Variants in WDR3 observed in about 807,000 individuals in gnomAD.
The protein encoded by WDR3 is WD repeat-containing protein 3.
In WDR3, 81 loss-of-function variants were observed where a neutral mutation model predicts 123.7. The ratio of observed to expected loss-of-function variants is 0.65; its 90% CI spans 0.55 to 0.79. WDR3 has a LOEUF of 0.79. Ranked by LOEUF, WDR3 falls within the 30% of genes least tolerant of loss-of-function variation. The pLI, the probability that WDR3 is intolerant of heterozygous loss-of-function variation, is 0.00. For missense variants in WDR3, 1,027 were observed against 1,123.2 expected (o/e 0.91, Z 1.22); for synonymous variants, 390 against 388.8 (o/e 1.00, Z -0.04).
chr1:117,941,013 A>G lies in WDR3; in HGVS notation c.789+73A>G, dbSNP rs1457570173. ...AGTAAGAATTGCAGATTTTTAGGGA[A>G]TCATCACTTTAGGGAATATTTTTGT... On this transcript the variant is annotated intron_variant, in intron 7 of 26. Transcript: ENST00000349139. The G allele has an allele frequency of 3.2e-6, 5 of 1,570,738 alleles. No homozygotes were observed. In the African/African-American group the frequency reaches 5.5e-5, roughly 17 times the overall value.
intron 18 of WDR3, 38 bp from the exon 19 acceptor site, chr1:117,952,490 A>G (rs2101223023): frequency 6.3e-7 from 1 of 1,599,234 alleles, no homozygotes; most frequent in Non-Finnish European, 8.5e-7. Flanking sequence ...GTAGTGGTCA[A>G]TGAATGAGGT....
At chr1:117,939,914 A>T (rs1651079939) in intron 6 of WDR3, among the ~76,000 whole-genome samples, 1 of 152,180 alleles carries the variant, frequency 6.6e-6, no homozygotes, top group Admixed American at 6.5e-5. Flanking sequence ...TATGTTTATA[A>T]ATATGTATAT....
intron 3 of WDR3, 84 bp from the exon 4 acceptor site, chr1:117,936,685 A>G: frequency 9.1e-7 from 1 of 1,100,718 alleles, no homozygotes; most frequent in Non-Finnish European, 1.3e-6. Flanking sequence ...TTGCCTTTTT[A>G]ATAATTAAGT....
rs963121334 is a variant in WDR3 at position 117,946,649 on chromosome 1, T to C, written c.1422+470T>C. Among the ~76,000 whole-genome samples the C allele has an allele frequency of 4.6e-5, 7 of 151,864 alleles. No homozygotes were observed. In the East Asian group the frequency reaches 1.4e-3, roughly 29 times the overall value. On this transcript the variant is annotated intron_variant, in intron 12 of 26. Coordinates refer to ENST00000349139, the MANE Select transcript of WDR3 (RefSeq NM_006784.3). The stretch of plus-strand genomic sequence containing the variant: ...GGATTTAGTTTCTGCCCTTTAGAAA[T>C]AGGTAATTTGGGCCGGGCGCAGTGG...
At chr1:117,943,753 C>A (rs1360592492) in intron 11 of WDR3, 127 bp downstream of exon 11, 9 of 811,166 alleles carry the variant, frequency 1.1e-5, no homozygotes, top group East Asian at 2.8e-5. Context: ...GCATTTGGGC[C>A]ATTAGCCTGT....
In WDR3 at chr1:117,942,453, G is replaced by T. The variant is rs1343691571; in HGVS notation, c.1006G>T (p.Gly336Ter). Residue 336 changes from glycine (G) to a stop codon, truncating the protein, a stop_gained, in exon 10 of 27, where the codon GGA becomes TGA. Coordinates refer to ENST00000349139, the MANE Select transcript of WDR3 (RefSeq NM_006784.3). LOFTEE classifies it high-confidence loss of function. ...RKKAKLHSSK[G>*]EEEDPEVNVE... ...TCCCTCTAGATTACATTCTAGCAAA[G>T]GAGAGGAGGAAGATCCTGAGGTTAA... 6.2e-7 allele frequency: 1 copy of T among 1,613,696 alleles called. No homozygotes were observed. The highest frequency in any genetic ancestry group is 2.2e-5 in the East Asian group (1 of 44,860).
In WDR3 at chr1:117,959,452, G is replaced by T. The variant is rs766014753; in HGVS notation, c.*5G>T. 6.3e-6 allele frequency: 10 copies of T among 1,587,220 alleles called. No homozygotes were observed. In the South Asian group the frequency reaches 1.1e-4, roughly 17 times the overall value. ...TTGATTCTAACGTTGACTTAGAACT[G>T]AAATGTGGTATCTTTTTTTTTTTCA... On this transcript the variant is annotated 3_prime_UTR_variant, in exon 27 of 27. Coordinates refer to ENST00000349139, the MANE Select transcript of WDR3 (RefSeq NM_006784.3).
intron 8 of WDR3, 114 bp downstream of exon 8, chr1:117,941,339 T>G: frequency 1.0e-6 from 1 of 982,560 alleles, no homozygotes; most frequent in South Asian, 1.6e-5. Flanking sequence ...AATAATTCAT[T>G]ATATGGTACT....
chr1:117,958,834 C>G, intron 25 of WDR3, 76 bp from the exon 26 acceptor site: 4 of 774,706 alleles, frequency 5.2e-6, no homozygotes, highest in African/African-American at 1.9e-5. Flanking sequence ...GATATTGTGT[C>G]TGTTTACTGT....
In WDR3 at chr1:117,938,476, T is replaced by C; in HGVS notation, c.501-4T>C. On this transcript the variant is annotated splice_region_variant and splice_polypyrimidine_tract_variant and intron_variant, in intron 4 of 26. Transcript: ENST00000349139. ...ATATATTTTTTTCCTGTTTCTTCTT[T>C]TAGTGGGAAAGATACCATGGTGAAA... 1 of 1,611,486 alleles carries C rather than the reference T, an allele frequency of 6.2e-7. No homozygotes were observed. Among genetic ancestry groups the C allele is most frequent in the Non-Finnish European group, 8.5e-7 (1 of 1,178,638 alleles).
rs947204355 is a variant in WDR3, at chr1:117,950,045, G to A, written c.1661G>A (p.Cys554Tyr). 2 of 1,613,806 alleles carry A rather than the reference G, an allele frequency of 1.2e-6. No individual in the cohort carries two copies. Among genetic ancestry groups the A allele is most frequent in the African/African-American group, 2.7e-5 (2 of 74,868 alleles). ...RTLQLDEDVL[C>Y]VSYSPNQKLL... ...TTGCAACTAGATGAAGATGTTCTGT[G>A]TGTCAGTTACTCTCCCAATCAAAAG... is the stretch of plus-strand genomic sequence containing the variant. The change falls in exon 15 of 27, where the codon TGT becomes TAT. Residue 554 changes from cysteine (C) to tyrosine (Y), a missense_variant. Physicochemically the swap from Cys to Tyr is radical, Grantham distance 194. Transcript: ENST00000349139.
At chr1:117,954,502 C>T in intron 22 of WDR3, 78 bp from the exon 23 acceptor site, 1 of 1,361,094 alleles carries the variant, frequency 7.3e-7, no homozygotes, top group Non-Finnish European at 1.0e-6. Flanking sequence ...TTATAAAATA[C>T]AGTTACCACT....
In WDR3 at chr1:117,948,491, C is replaced by T. The variant is rs887227457; in HGVS notation, c.1509C>T (p.Ser503=). 1.9e-6 allele frequency: 3 copies of T among 1,613,500 alleles called. No homozygotes were observed. The highest frequency in any genetic ancestry group is 2.5e-6 in the Non-Finnish European group (3 of 1,179,796). Residue 503 remains serine (S), a synonymous_variant, in exon 13 of 27, where the codon TCC becomes TCT. Coordinates refer to ENST00000349139, the MANE Select transcript of WDR3 (RefSeq NM_006784.3). The stretch of plus-strand genomic sequence containing the variant: ...ATGATGGAGCTTTGTGGTCCATGTC[C>T]CTCTCTCCAGATCAGGTAACTAAAC... ...DAHDGALWSM[S]LSPDQRGFVT...
In WDR3 at chr1:117,962,150, A is replaced by G. The variant is rs1653183428; in HGVS notation, c.*2703A>G. 1 of 152,058 alleles carries G rather than the reference A, an allele frequency of 6.6e-6. No homozygotes were observed. The highest frequency in any genetic ancestry group is 1.5e-5 in the Non-Finnish European group (1 of 68,026). The allele number at this position is 152,058 out of a possible 1,614,324, so 9.4% of individuals were successfully genotyped here. On this transcript the variant is annotated 3_prime_UTR_variant, in exon 27 of 27. Coordinates refer to ENST00000349139, the MANE Select transcript of WDR3 (RefSeq NM_006784.3). Reference sequence around the variant, plus strand: ...AAAGCCTGATAGTGCTAGGGAATGTAAAGATGTTTCTGTCTGCTAAGTGTT... The same window carrying G: ...AAAGCCTGATAGTGCTAGGGAATGTGAAGATGTTTCTGTCTGCTAAGTGTT...
chr1:117,936,773 C>CA lies in WDR3; in HGVS notation c.387dup (p.Asp130ArgfsTer10). On this transcript the variant is annotated frameshift_variant, in exon 4 of 27. Coordinates refer to ENST00000349139, the MANE Select transcript of WDR3 (RefSeq NM_006784.3). LOFTEE classifies it high-confidence loss of function. ...TGTATTATTTGATCCCTTTAGGACACAGATATTATTGTATGGGATGTGATC... is the reference window on the plus strand; with the variant it reads ...TGTATTATTTGATCCCTTTAGGACACAAGATATTATTGTATGGGATGTGATC... 6.2e-7 allele frequency: 1 copy of CA among 1,608,650 alleles called. No individual in the cohort carries two copies. The highest frequency in any genetic ancestry group is 8.5e-7 in the Non-Finnish European group (1 of 1,176,916).
At chr1:117,935,582 A>C (rs984182610) in intron 3 of WDR3, among the ~76,000 whole-genome samples, 1 of 152,044 alleles carries the variant, frequency 6.6e-6, no homozygotes, top group Non-Finnish European at 1.5e-5. Flanking sequence ...GATTACTTAT[A>C]AAACAGTCCT....
chr1:117,937,411 C>T (rs1197269803), intron 4 of WDR3, among the ~76,000 whole-genome samples: 1 of 152,056 alleles, frequency 6.6e-6, no homozygotes, highest in African/African-American at 2.4e-5. Context: ...AGAATGGCCA[C>T]CTAGGAAAAG....
Position 117,933,397 on chromosome 1 carries a change from T to G in WDR3, c.78T>G (p.Ile26Met), listed in dbSNP as rs773448110. Residue 26 changes from isoleucine to methionine, a missense_variant, in exon 2 of 27, where the codon ATT becomes ATG. Transcript: ENST00000349139. ...TTATCGGCAGCCAAAAAGGTAATAT[T>G]GTCTTTGTGACACTTCGTGGTGAGA... ...FGVIGSQKGN[I>M]VFVTLRGEKG... 2 of 1,614,204 alleles carry G rather than the reference T, an allele frequency of 1.2e-6. No homozygotes were observed. Among genetic ancestry groups the G allele is most frequent in the Admixed American group, 3.3e-5 (2 of 60,030 alleles).
rs181426294 is a variant in WDR3 at position 117,949,725 on chromosome 1, T to A, written c.1525-26T>A. Reference sequence around the variant, plus strand: ...AAAGTTTTTATGCTAAAATAGTTTTTAATTGAAATTTCATTTGATTTTCAG... The same window carrying A: ...AAAGTTTTTATGCTAAAATAGTTTTAAATTGAAATTTCATTTGATTTTCAG... On this transcript the variant is annotated intron_variant, in intron 13 of 26. Coordinates refer to ENST00000349139, the MANE Select transcript of WDR3 (RefSeq NM_006784.3). 59 of 1,609,596 alleles carry A rather than the reference T, an allele frequency of 3.7e-5. No individual in the cohort carries two copies. In the African/African-American group the frequency reaches 6.3e-4, roughly 17 times the overall value.
Sources: allele counts gnomAD v4.1 joint callset (sites outside exome capture counted in the v4.1 genomes callset), GRCh38; gene constraint gnomAD v4.1.1; transcripts MANE v1.5; gene names NCBI Gene and HGNC (gene_info 2026-07-23, HGNC 2026-07-21).